CSMD1: variants seen among roughly 807,000 people sequenced by gnomAD.
The protein encoded by CSMD1 is CUB and sushi domain-containing protein 1.
A neutral mutation model predicts 417.5 loss-of-function variants in CSMD1; 213 were observed. That is an observed-to-expected ratio of 0.51 (90% CI 0.46 to 0.57). The LOEUF is 0.57. CSMD1 is among the 20% of genes least tolerant of loss of function. The pLI is 0.00. For missense variants in CSMD1, 6,923 were observed against 4,529.7 expected, an observed-to-expected ratio of 1.53 and a Z score of -15.17; for synonymous variants, 2,862 against 1,736.8, an observed-to-expected ratio of 1.65 and a Z score of -16.11.
At position 3,993,173 on chromosome 8, in the gene CSMD1, G is replaced by A. The variant is rs62501245; in HGVS notation, c.818+4730C>T. ...TGGTTATGTAAGATGTTCACATGAAGGAAGCTAGGTTTAGGATATACAGCA... is the reference window on the plus strand; with the variant it reads ...TGGTTATGTAAGATGTTCACATGAAAGAAGCTAGGTTTAGGATATACAGCA... On this transcript the variant is annotated intron_variant, in intron 5 of 69. Transcript: ENST00000635120. 2.1e-3 allele frequency among the ~76,000 whole-genome samples: 315 copies of A among 152,322 alleles called. 1 individual carries two copies. The highest frequency in any genetic ancestry group is 3.5e-3 in the Non-Finnish European group (239 of 68,028).
chr8:2,963,109 G>T lies in CSMD1; in HGVS notation c.9454+113C>A, dbSNP rs554411175. The T allele has an allele frequency of 1.6e-4, 185 of 1,152,840 alleles. No homozygotes were observed. In the African/African-American group the frequency reaches 2.5e-3, roughly 16 times the overall value. 71.4% of individuals were successfully genotyped at this position (1,152,840 alleles called of 1,614,324 possible). ...AGTTTGAGTTTTTGTGTATTTTAGG[G>T]CTATTATTACCCACCAGGAAGGTCC... On this transcript the variant is annotated intron_variant, in intron 60 of 69. Transcript: ENST00000635120.
At chr8:4,216,836 G>A (rs1456025618) in intron 3 of CSMD1, among the ~76,000 whole-genome samples, 1 of 152,166 alleles carries the variant, frequency 6.6e-6, no homozygotes, top group Non-Finnish European at 1.5e-5. Flanking sequence ...TAAACATGAG[G>A]ATGGGGTGTC....
chr8:4,590,337 T>C (rs1325318635), intron 2 of CSMD1, among the ~76,000 whole-genome samples: 2 of 152,142 alleles, frequency 1.3e-5, no homozygotes, highest in East Asian at 3.9e-4. Context: ...AAAAGTCACA[T>C]CCAGAATACA....
intron 3 of CSMD1, among the ~76,000 whole-genome samples, chr8:4,034,861 G>T (rs1003692808): frequency 6.6e-6 from 1 of 152,106 alleles, no homozygotes; most frequent in Non-Finnish European, 1.5e-5. Flanking sequence ...CAAAGACACG[G>T]TTATCAATGG....
chr8:3,723,278 C>T (rs1363498675), intron 6 of CSMD1, among the ~76,000 whole-genome samples: 2 of 152,160 alleles, frequency 1.3e-5, no homozygotes, highest in Non-Finnish European at 2.9e-5. Context: ...TCGAATCCTC[C>T]TCACACTCAA....
chr8:3,084,557 A>T (rs1158480359), intron 49 of CSMD1, among the ~76,000 whole-genome samples: 1 of 151,316 alleles, frequency 6.6e-6, no homozygotes, highest in Non-Finnish European at 1.5e-5. Context: ...ACATTCTAAA[A>T]GTAACAAAAG....
At chr8:4,260,198 T>C (rs1267114015) in intron 3 of CSMD1, among the ~76,000 whole-genome samples, 1 of 152,190 alleles carries the variant, frequency 6.6e-6, no homozygotes, top group Non-Finnish European at 1.5e-5. Flanking sequence ...TTATCAGGTG[T>C]TGCCTATCTA....
chr8:3,988,757 C>G (rs1447997873), intron 5 of CSMD1, among the ~76,000 whole-genome samples: 1 of 152,166 alleles, frequency 6.6e-6, no homozygotes, highest in Non-Finnish European at 1.5e-5. Context: ...TATACAAAAA[C>G]AGCCCTGAAT....
At chr8:4,316,233 C>G (rs1030518885) in intron 3 of CSMD1, among the ~76,000 whole-genome samples, 1 of 152,094 alleles carries the variant, frequency 6.6e-6, no homozygotes, top group African/African-American at 2.4e-5. Context: ...TTCTAATGGT[C>G]TTCCATTTGT....
intron 3 of CSMD1, among the ~76,000 whole-genome samples, chr8:4,096,771 A>T (rs533109878): frequency 1.3e-5 from 2 of 151,032 alleles, no homozygotes; most frequent in Admixed American, 1.3e-4. Context: ...TGCAATTTAG[A>T]AGACACTTGC....
intron 3 of CSMD1, among the ~76,000 whole-genome samples, chr8:4,128,266 T>C (rs147225829): frequency 1.5e-4 from 23 of 152,176 alleles, no homozygotes; most frequent in African/African-American, 5.1e-4. Flanking sequence ...CGTGGAGGAA[T>C]GCATGAGTAA....
chr8:3,728,228 G>C (rs950861254), intron 6 of CSMD1, among the ~76,000 whole-genome samples: 2 of 152,106 alleles, frequency 1.3e-5, no homozygotes, highest in African/African-American at 2.4e-5. Flanking sequence ...GTTTTACAAA[G>C]GGAAACCCCT....
At chr8:4,717,813 A>T (rs1403735771) in intron 1 of CSMD1, among the ~76,000 whole-genome samples, 1 of 152,152 alleles carries the variant, frequency 6.6e-6, no homozygotes, top group Non-Finnish European at 1.5e-5. Context: ...ACCCTTTCAG[A>T]TCTTACCGCC....
rs565727365 is a variant in CSMD1, at chr8:3,612,945, A to T, written c.1097+3765T>A. 5.3e-5 allele frequency among the ~76,000 whole-genome samples: 8 copies of T among 152,214 alleles called. No individual in the cohort carries two copies. In the East Asian group the frequency reaches 1.5e-3, roughly 29 times the overall value. Reference sequence around the variant, plus strand: ...TAAGAGGTCAGAGCAGAAATCAATGAAATTGAAGAGAAACTAAACAATACA... The same window carrying T: ...TAAGAGGTCAGAGCAGAAATCAATGTAATTGAAGAGAAACTAAACAATACA... On this transcript the variant is annotated intron_variant, in intron 8 of 69. Coordinates refer to ENST00000635120, the MANE Select transcript of CSMD1 (RefSeq NM_033225.6).
At chr8:4,432,863 C>T (rs184162977) in intron 2 of CSMD1, among the ~76,000 whole-genome samples, 17 of 152,290 alleles carry the variant, frequency 1.1e-4, no homozygotes, top group Admixed American at 9.8e-4. Flanking sequence ...GGTCTCCAAC[C>T]GCGAGCCACG....
intron 16 of CSMD1, among the ~76,000 whole-genome samples, chr8:3,397,221 A>G (rs186270292): frequency 2.3e-4 from 35 of 152,318 alleles, no homozygotes; most frequent in Admixed American, 2.0e-3. Flanking sequence ...CTTAAGCGTC[A>G]TAAGACTCTG....
At chr8:4,196,503 T>C (rs1348079076) in intron 3 of CSMD1, among the ~76,000 whole-genome samples, 1 of 152,130 alleles carries the variant, frequency 6.6e-6, no homozygotes, top group South Asian at 2.1e-4. Context: ...TTTGTTACAT[T>C]TATGGGGCCC....
At chr8:4,961,321 C>A (rs909397835) in intron 1 of CSMD1, among the ~76,000 whole-genome samples, 1 of 152,134 alleles carries the variant, frequency 6.6e-6, no homozygotes, top group Non-Finnish European at 1.5e-5. Flanking sequence ...CCGAAGACCT[C>A]ACTCTTAGAG....
chr8:4,456,798 A>C (rs1799515400), intron 2 of CSMD1, among the ~76,000 whole-genome samples: 1 of 151,980 alleles, frequency 6.6e-6, no homozygotes, highest in South Asian at 2.1e-4. Context: ...TAAGCTGAAG[A>C]AGCTACCTGT....
Sources: gnomAD v4.1 joint callset for allele counts (sites outside exome capture counted in the v4.1 genomes callset) on GRCh38, gnomAD v4.1.1 for gene constraint, MANE v1.5 for transcripts, NCBI Gene and HGNC (gene_info 2026-07-23, HGNC 2026-07-21) for gene names.